The following PUDP variants were observed in gnomAD, a reference collection of about 807,000 sequenced individuals.
PUDP encodes pseudouridine-5'-phosphatase.
A neutral mutation model predicts 9.4 loss-of-function variants in PUDP; 8 were observed. That is an observed-to-expected ratio of 0.85 (90% CI 0.50 to 1.53). The LOEUF (loss-of-function observed/expected upper bound fraction) is 1.53, where lower values mean the gene tolerates loss of function less well. Ranked by LOEUF, PUDP falls within the 40% of genes most tolerant of loss-of-function variation. PUDP has a pLI of 0.00. For synonymous variants in PUDP, 99 were observed against 80.7 expected, an observed-to-expected ratio of 1.23 and a Z score of -1.22; for missense variants, 188 against 189.7, an observed-to-expected ratio of 0.99 and a Z score of 0.05.
In PUDP at chrX:7,084,569, C is replaced by T. The variant is rs113287427; in HGVS notation, c.281-7120G>A. On this transcript the variant is annotated intron_variant, in intron 2 of 3. Coordinates refer to ENST00000381077, the MANE Select transcript of PUDP (RefSeq NM_012080.5). ...GTGTGAGGATGGCCCCTGCACTACA[C>T]AACAATGCTCAGAGTTTCTCAGGGT... Among the ~76,000 whole-genome samples, 436 of 111,968 alleles carry T rather than the reference C, an allele frequency of 3.9e-3. 2 individuals are homozygous for T. The highest frequency in any genetic ancestry group is 0.014 in the African/African-American group (420 of 30,756).
intron 1 of PUDP, among the ~76,000 whole-genome samples, chrX:6,710,283 A>C (rs1193160445): frequency 8.9e-6 from 1 of 112,311 alleles, no homozygotes; most frequent in Non-Finnish European, 1.9e-5. Flanking sequence ...AGACAGACTC[A>C]GCTGCAGCTG....
chrX:6,958,294 A>G (rs1006062656), intron 3 of PUDP, among the ~76,000 whole-genome samples: 14 of 111,937 alleles, frequency 1.3e-4, no homozygotes, highest in African/African-American at 4.5e-4. Flanking sequence ...AAACACCTTC[A>G]AAGAAGGAAG....
intron 3 of PUDP, among the ~76,000 whole-genome samples, chrX:6,848,444 G>A (rs1321929483): frequency 1.8e-5 from 2 of 112,437 alleles, no homozygotes; most frequent in African/African-American, 6.5e-5. Context: ...TAATATTACG[G>A]ATTTTATCTG....
intron 3 of PUDP, among the ~76,000 whole-genome samples, chrX:6,826,319 C>T (rs1007227567): frequency 4.5e-5 from 5 of 111,773 alleles, no homozygotes; most frequent in Admixed American, 2.9e-4. Flanking sequence ...GCAAGTGCCA[C>T]ATTTATTTTT....
At chrX:6,757,577 A>G (rs754509335) in intron 3 of PUDP, among the ~76,000 whole-genome samples, 2 of 111,391 alleles carry the variant, frequency 1.8e-5, no homozygotes, top group South Asian at 7.7e-4. Context: ...GATGAGTGTG[A>G]TAAGTGTTTT....
intron 1 of PUDP, among the ~76,000 whole-genome samples, chrX:7,022,893 G>C (rs2146821182): frequency 9.0e-6 from 1 of 111,667 alleles, no homozygotes; most frequent in African/African-American, 3.3e-5. Context: ...TGCTCCCTGA[G>C]AGCCAGGAAA....
chrX:6,886,000 T>C (rs751118856), intron 3 of PUDP, among the ~76,000 whole-genome samples: 7 of 112,265 alleles, frequency 6.2e-5, no homozygotes, highest in South Asian at 3.7e-4. Flanking sequence ...AACATTTCTA[T>C]TGTGTCTTGG....
At chrX:6,923,943 AG>A (rs1310034237) in intron 3 of PUDP, among the ~76,000 whole-genome samples, 1 of 110,666 alleles carries the variant, frequency 9.0e-6, no homozygotes, top group Non-Finnish European at 1.9e-5. Context: ...CTCCCTTGCC[AG>A]CCCCAAACTC....
intron 3 of PUDP, among the ~76,000 whole-genome samples, chrX:6,966,282 C>G (rs903943890): frequency 6.9e-4 from 38 of 55,172 alleles, no homozygotes; most frequent in Non-Finnish European, 1.3e-3. Flanking sequence ...CCACATCATA[C>G]ATATTGTCTT....
intron 1 of PUDP, among the ~76,000 whole-genome samples, chrX:7,012,826 G>A (rs1304395019): frequency 2.7e-5 from 3 of 111,003 alleles, no homozygotes; most frequent in African/African-American, 6.6e-5. Context: ...CATCAGAAAC[G>A]TAATGTCCTC....
intron 3 of PUDP, among the ~76,000 whole-genome samples, chrX:6,734,850 G>GTT (rs1163215794): frequency 8.9e-6 from 1 of 111,958 alleles, no homozygotes; most frequent in Non-Finnish European, 1.9e-5. Context: ...AAGGCCATGT[G>GTT]TTTGGGGGCT....
At chrX:7,017,445 G>A (rs902917968) in intron 1 of PUDP, among the ~76,000 whole-genome samples, 1 of 112,245 alleles carries the variant, frequency 8.9e-6, no homozygotes, top group Non-Finnish European at 1.9e-5. Flanking sequence ...TGGGGAATGG[G>A]ACTGAGCAAA....
rs767587151 is a variant in PUDP at position 6,707,994 on chromosome X, C to T, written n.129-1528G>A. Among the ~76,000 whole-genome samples the T allele has an allele frequency of 2.7e-5, 3 of 112,037 alleles. No individual in the cohort carries two copies. In the South Asian group the frequency reaches 1.1e-3, roughly 41 times the overall value. ...ATGTCACTGTTAATTTTCGACGAAG[C>T]TCCTTTAAAGCAAGAAACTTGGGTG... is the stretch of plus-strand genomic sequence containing the variant. On this transcript the variant is annotated intron_variant and non_coding_transcript_variant, in intron 1 of 2. Transcript: ENST00000438499.
At chrX:7,000,405 T>C (rs1929309290) in intron 1 of PUDP, among the ~76,000 whole-genome samples, 1 of 111,150 alleles carries the variant, frequency 9.0e-6, no homozygotes, top group Non-Finnish European at 1.9e-5. Context: ...GTTTAATATG[T>C]TAATTCTCAC....
rs1341569281 is a variant in PUDP, at chrX:7,127,161, C to T, written c.61+20892G>A. ...AGCTCAATTTACCAAGCCTTCCACA[C>T]ATGGGGGCACTGAAGGATGAGGAGT... On this transcript the variant is annotated intron_variant, in intron 1 of 3. Coordinates refer to ENST00000381077, the MANE Select transcript of PUDP (RefSeq NM_012080.5). 4.5e-5 allele frequency among the ~76,000 whole-genome samples: 5 copies of T among 111,881 alleles called. No homozygotes were observed. In the Admixed American group the frequency reaches 4.7e-4, roughly 11 times the overall value.
chrX:6,928,501 G>A (rs1928140569), intron 3 of PUDP, among the ~76,000 whole-genome samples: 1 of 111,513 alleles, frequency 9.0e-6, no homozygotes, highest in Admixed American at 9.5e-5. Flanking sequence ...TTTCATTTTT[G>A]AAAATTCAAA....
At chrX:6,806,781 C>T (rs375750476) in intron 3 of PUDP, among the ~76,000 whole-genome samples, 95 of 112,605 alleles carry the variant, frequency 8.4e-4, no homozygotes, top group African/African-American at 2.9e-3. Flanking sequence ...TGGAGCAATG[C>T]ATCCTGAGAG....
chrX:6,996,727 G>T (rs1929257728), intron 1 of PUDP, among the ~76,000 whole-genome samples: 1 of 104,774 alleles, frequency 9.5e-6, no homozygotes, highest in African/African-American at 3.5e-5. Context: ...AGTGCCATGG[G>T]GTGATCTCGG....
intron 3 of PUDP, among the ~76,000 whole-genome samples, chrX:6,938,670 A>T (rs1928349612): frequency 1.8e-5 from 2 of 109,087 alleles, no homozygotes; most frequent in Non-Finnish European, 3.8e-5. Context: ...TAAAGTGAGG[A>T]CTAAATCTCA....
Sources: gnomAD v4.1 joint callset for allele counts (sites outside exome capture counted in the v4.1 genomes callset) on GRCh38, gnomAD v4.1.1 for gene constraint, MANE v1.5 for transcripts, NCBI Gene and HGNC (gene_info 2026-07-23, HGNC 2026-07-21) for gene names.